Variants in POT1 observed in about 807,000 individuals in gnomAD.
POT1 encodes protection of telomeres protein 1.
A neutral mutation model predicts 78.5 loss-of-function variants in POT1; 47 were observed. The observed-to-expected ratio is 0.60, with a 90% CI of 0.47 to 0.76. POT1 has a LOEUF of 0.76. POT1 is among the 30% of genes least tolerant of loss of function. The probability of loss-of-function intolerance (pLI) is 0.00; values close to 1 mark genes in which losing one functional copy is unlikely to be tolerated. For synonymous variants in POT1, 259 were observed against 260.7 expected, an observed-to-expected ratio of 0.99 and a Z score of 0.06; for missense variants, 646 against 749.9, an observed-to-expected ratio of 0.86 and a Z score of 1.62.
chr7:124,892,045 T>C (rs1294031055), intron 6 of POT1, among the ~76,000 whole-genome samples: 1 of 151,646 alleles, frequency 6.6e-6, no homozygotes, highest in Non-Finnish European at 1.5e-5. Context: ...TGGCATCCTT[T>C]GCTTCATTCT....
intron 14 of POT1, among the ~76,000 whole-genome samples, chr7:124,837,706 T>A (rs973594522): frequency 2.0e-5 from 3 of 152,120 alleles, no homozygotes; most frequent in African/African-American, 7.2e-5. Flanking sequence ...GTTTCCTAAC[T>A]CTTATGAGGC....
chr7:124,859,409 C>T (rs1795529808), intron 8 of POT1, among the ~76,000 whole-genome samples: 1 of 152,138 alleles, frequency 6.6e-6, no homozygotes, highest in African/African-American at 2.4e-5. Flanking sequence ...TCTTGAAAAA[C>T]ACTCATATGT....
In POT1 at chr7:124,922,232, T is replaced by C. The variant is rs117009378; in HGVS notation, c.-227+6583A>G. 4.7e-3 allele frequency among the ~76,000 whole-genome samples: 710 copies of C among 152,194 alleles called. 37 individuals are homozygous for C. The South Asian group carries it at 0.12, about 25-fold the overall frequency. Reference sequence around the variant, plus strand: ...AGAGAAGTTATCCCCAGCTGAAATATATGAAATGGTAGATATTTTTCACAA... The same window carrying C: ...AGAGAAGTTATCCCCAGCTGAAATACATGAAATGGTAGATATTTTTCACAA... On this transcript the variant is annotated intron_variant, in intron 2 of 18. Coordinates refer to ENST00000357628, the MANE Select transcript of POT1 (RefSeq NM_015450.3).
chr7:124,898,256 C>CT lies in POT1; in HGVS notation c.-40+4dup, dbSNP rs1436329474. On this transcript the variant is annotated splice_donor_region_variant and intron_variant, in intron 4 of 18. Coordinates refer to ENST00000357628, the MANE Select transcript of POT1 (RefSeq NM_015450.3). The stretch of plus-strand genomic sequence containing the variant: ...GTAATTAGAGAATAAAAGCTGCATA[C>CT]TTACATAAACAGTTGATTTGAGGTC... 1 of 151,722 alleles carries CT rather than the reference C, an allele frequency of 6.6e-6. No individual in the cohort carries two copies. Among genetic ancestry groups the CT allele is most frequent in the African/African-American group, 2.4e-5 (1 of 41,332 alleles). 9.4% of individuals were successfully genotyped at this position (151,722 alleles called of 1,614,324 possible).
At chr7:124,924,917 T>A (rs549181839) in intron 2 of POT1, among the ~76,000 whole-genome samples, 1 of 152,160 alleles carries the variant, frequency 6.6e-6, no homozygotes, top group South Asian at 2.1e-4. Context: ...CATCTTCCAT[T>A]CATGACAAAA....
intron 16 of POT1, 106 bp downstream of exon 16, chr7:124,829,148 A>G (rs1562974581): frequency 1.2e-6 from 1 of 820,288 alleles, no homozygotes. Flanking sequence ...AGGAATAAGT[A>G]TACAAAGAAG....
At chr7:124,871,066 C>T (rs1269344090) in intron 6 of POT1, 25 bp from the exon 7 acceptor site, 1 of 1,543,076 alleles carries the variant, frequency 6.5e-7, no homozygotes. Flanking sequence ...AATATTTTAC[C>T]TGACTTTCAA....
intron 12 of POT1, among the ~76,000 whole-genome samples, chr7:124,845,851 A>G (rs1347082439): frequency 6.6e-6 from 1 of 151,768 alleles, no homozygotes; most frequent in Non-Finnish European, 1.5e-5. Flanking sequence ...GCTTTACTCA[A>G]TTAGTATTAT....
intron 15 of POT1, among the ~76,000 whole-genome samples, chr7:124,832,221 T>C (rs1489514873): frequency 7.2e-6 from 1 of 138,018 alleles, no homozygotes; most frequent in Non-Finnish European, 1.5e-5. Flanking sequence ...ATCATGCCAC[T>C]TCAGCCTGGG....
At chr7:124,853,992 T>C (rs991621882) in intron 9 of POT1, among the ~76,000 whole-genome samples, 3 of 152,052 alleles carry the variant, frequency 2.0e-5, no homozygotes, top group Admixed American at 2.0e-4. Context: ...TTCATTTGTA[T>C]AAATATAGCA....
intron 3 of POT1, among the ~76,000 whole-genome samples, chr7:124,903,012 G>A (rs572478018): frequency 5.9e-5 from 9 of 152,146 alleles, no homozygotes; most frequent in South Asian, 4.1e-4. Flanking sequence ...CAGGAACGCC[G>A]AGATTCATAA....
intron 2 of POT1, among the ~76,000 whole-genome samples, chr7:124,927,203 T>C (rs776380176): frequency 2.6e-5 from 4 of 152,228 alleles, no homozygotes; most frequent in Non-Finnish European, 5.9e-5. Flanking sequence ...ATGAATTTGC[T>C]CTTAGTGTTT....
chr7:124,918,704 T>C (rs1797075849), intron 2 of POT1, among the ~76,000 whole-genome samples: 2 of 152,126 alleles, frequency 1.3e-5, no homozygotes, highest in South Asian at 4.1e-4. Flanking sequence ...TGTCCCAGAA[T>C]TACATGTTTA....
chr7:124,862,980 A>C (rs866428758), intron 8 of POT1, among the ~76,000 whole-genome samples: 44 of 152,178 alleles, frequency 2.9e-4, no homozygotes, highest in African/African-American at 1.0e-3. Flanking sequence ...GGGACAAAAA[A>C]GTAAATAAAT....
intron 3 of POT1, among the ~76,000 whole-genome samples, chr7:124,912,111 A>T (rs1319201433): frequency 6.6e-6 from 1 of 152,162 alleles, no homozygotes; most frequent in Non-Finnish European, 1.5e-5. Flanking sequence ...GTATCTAATT[A>T]CAATAATAGT....
chr7:124,878,258 G>T (rs1796036886), intron 6 of POT1, among the ~76,000 whole-genome samples: 1 of 152,070 alleles, frequency 6.6e-6, no homozygotes, highest in Admixed American at 6.6e-5. Flanking sequence ...CTTGAACCCA[G>T]GAGGCAGAGG....
chr7:124,829,393 G>A (rs1188820900), intron 15 of POT1, 51 bp from the exon 16 acceptor site: 2 of 1,236,912 alleles, frequency 1.6e-6, no homozygotes, highest in East Asian at 2.5e-5. Context: ...AATTTAGCTT[G>A]TTTGTTATAA....
At chr7:124,863,303 A>T (rs756576309) in intron 8 of POT1, 47 bp downstream of exon 8, 37 of 1,531,070 alleles carry the variant, frequency 2.4e-5, no homozygotes, top group African/African-American at 4.1e-5. Context: ...CTTTACAGAC[A>T]TGTAAGTGGT....
At chr7:124,843,094 G>T in intron 12 of POT1, 131 bp from the exon 13 acceptor site, 1 of 656,958 alleles carries the variant, frequency 1.5e-6, no homozygotes, top group South Asian at 3.3e-5. Context: ...TGAAAGGAAG[G>T]GTTATGTCTT....
Sources: gnomAD v4.1 joint callset for allele counts (sites outside exome capture counted in the v4.1 genomes callset) on GRCh38, gnomAD v4.1.1 for gene constraint, MANE v1.5 for transcripts, NCBI Gene and HGNC (gene_info 2026-07-23, HGNC 2026-07-21) for gene names.